FGD3: variants seen among roughly 807,000 people sequenced by gnomAD.
FGD3 encodes the protein FYVE, RhoGEF and PH domain-containing protein 3.
In FGD3, 45 loss-of-function variants were observed where a neutral mutation model predicts 71.8. That is an observed-to-expected ratio of 0.63 (90% CI 0.49 to 0.80). The LOEUF is 0.80. Ranked by LOEUF, FGD3 falls within the 30% of genes least tolerant of loss-of-function variation. The pLI, the probability that FGD3 is intolerant of heterozygous loss-of-function variation, is 0.00. For missense variants in FGD3, 844 were observed against 951.5 expected (o/e 0.89, Z 1.49); for synonymous variants, 378 against 392.8 (o/e 0.96, Z 0.44).
intron 15 of FGD3, among the ~76,000 whole-genome samples, chr9:93,031,018 A>C (rs1324537077): frequency 6.6e-6 from 1 of 151,842 alleles, no homozygotes; most frequent in Non-Finnish European, 1.5e-5. Flanking sequence ...GGGTGGATAG[A>C]TGAATGGTTG....
At chr9:93,023,795 C>CCTTTTTTTTTTTTTTTTTTTTTTT (rs1862017356) in intron 14 of FGD3, among the ~76,000 whole-genome samples, 1 of 107,672 alleles carries the variant, frequency 9.3e-6, no homozygotes, top group African/African-American at 3.9e-5. Flanking sequence ...CCATCAGCAA[C>CCTTTTTTTTTTTTTTTTTTTTTTT]TTTTTTTTTT....
At chr9:93,001,101 G>C (rs1448240040) in intron 3 of FGD3, among the ~76,000 whole-genome samples, 2 of 152,006 alleles carry the variant, frequency 1.3e-5, no homozygotes, top group Non-Finnish European at 2.9e-5. Flanking sequence ...TTCAATTAAA[G>C]TGTATTTCAG....
intron 17 of FGD3, 46 bp downstream of exon 17, chr9:93,034,727 C>T: frequency 6.3e-7 from 1 of 1,587,516 alleles, no homozygotes; most frequent in Admixed American, 1.8e-5. Flanking sequence ...CAGCCCAGAG[C>T]CTCAGGCCTG....
chr9:93,022,384 G>A lies in FGD3; in HGVS notation c.1552G>A (p.Ala518Thr). Residue 518 changes from alanine (A) to threonine (T), a missense_variant, in exon 14 of 18, where the codon GCA becomes ACA. By Grantham distance (58) the Ala-to-Thr change is moderately conservative. Coordinates refer to ENST00000375482, the MANE Select transcript of FGD3 (RefSeq NM_001083536.2). ...GACCACCGAAGGCAGTTCGGGTGCA[G>A]CAGGGGTAAGTGCCCCATGCTCAGC... The part of the protein sequence containing the change: ...VVTTEGSSGA[A>T]GLEPRKLSSK... 8 of 1,612,484 alleles carry A rather than the reference G, an allele frequency of 5.0e-6. No individual in the cohort carries two copies. The highest frequency in any genetic ancestry group is 6.8e-6 in the Non-Finnish European group (8 of 1,179,372).
chr9:92,949,552 C>T (rs1397741984), intron 1 of FGD3, among the ~76,000 whole-genome samples: 1 of 152,188 alleles, frequency 6.6e-6, no homozygotes, highest in African/African-American at 2.4e-5. Context: ...TCGTCATTCT[C>T]CAGGACATCC....
chr9:92,973,262 G>A (rs1333391973), intron 1 of FGD3, among the ~76,000 whole-genome samples: 1 of 151,754 alleles, frequency 6.6e-6, no homozygotes, highest in Non-Finnish European at 1.5e-5. Flanking sequence ...TTACAGGCAC[G>A]CACCACCATG....
chr9:93,010,365 A>C lies in FGD3; in HGVS notation c.957A>C (p.Pro319=), dbSNP rs201906930. ...DYLKRLPQDA[P]DRKDAERSLE... is the part of the protein sequence containing the mutation. ...TGAAGAGGCTCCCGCAGGACGCCCCAGACCGGAAGGATGCGGAGAGTGAGC... is the reference window on the plus strand; with the variant it reads ...TGAAGAGGCTCCCGCAGGACGCCCCCGACCGGAAGGATGCGGAGAGTGAGC... The change falls in exon 7 of 18, where the codon CCA becomes CCC. Residue 319 remains proline, a synonymous_variant. Coordinates refer to ENST00000375482, the MANE Select transcript of FGD3 (RefSeq NM_001083536.2). 1.3e-4 allele frequency: 215 copies of C among 1,611,642 alleles called. No homozygotes were observed. The African/African-American group carries it at 2.5e-3, about 19-fold the overall frequency.
In FGD3 at chr9:93,028,202, A is replaced by G. The variant is rs10992591; in HGVS notation, c.1558-1672A>G. 2.9e-3 allele frequency among the ~76,000 whole-genome samples: 235 copies of G among 82,438 alleles called. 1 individual carries two copies. Among genetic ancestry groups the G allele is most frequent in the African/African-American group, 0.012 (229 of 19,472 alleles). 54.1% of individuals were successfully genotyped at this position (82,438 alleles called of 152,430 possible). A position where few individuals can be genotyped will look rare whatever the true frequency, so the allele number is the denominator to read the frequency against. ...GCCCCTCAGCCCCTAGCCCCGACAC[A>G]CACACACACACACACGCACACACAC... On this transcript the variant is annotated intron_variant, in intron 14 of 17. Transcript: ENST00000375482.
At chr9:92,967,858 C>G (rs1859387729) in intron 1 of FGD3, among the ~76,000 whole-genome samples, 1 of 152,208 alleles carries the variant, frequency 6.6e-6, no homozygotes, top group East Asian at 1.9e-4. Context: ...CAGGCATGAG[C>G]CACTGCGCCC....
intron 3 of FGD3, among the ~76,000 whole-genome samples, chr9:92,998,088 C>T (rs575544561): frequency 2.6e-5 from 4 of 152,304 alleles, no homozygotes; most frequent in East Asian, 1.9e-4. Flanking sequence ...CCATTCTCCC[C>T]GTCACTTTCA....
chr9:92,978,476 T>A (rs957576967), intron 3 of FGD3, among the ~76,000 whole-genome samples: 42 of 129,724 alleles, frequency 3.2e-4, no homozygotes, highest in Middle Eastern at 4.2e-3. Flanking sequence ...AAGAGACTGA[T>A]TAACTTTCTT....
At chr9:93,026,349 C>A (rs1427643242) in intron 14 of FGD3, among the ~76,000 whole-genome samples, 1 of 152,160 alleles carries the variant, frequency 6.6e-6, no homozygotes, top group African/African-American at 2.4e-5. Context: ...TTTTTTGGGT[C>A]AACCTGCGTG....
intron 11 of FGD3, among the ~76,000 whole-genome samples, chr9:93,019,422 T>G (rs1340940467): frequency 6.6e-6 from 1 of 152,208 alleles, no homozygotes; most frequent in Non-Finnish European, 1.5e-5. Context: ...TATGTGTAAT[T>G]GTAGCCGTCA....
In FGD3 at chr9:92,976,214, C is replaced by A; in HGVS notation, c.-43C>A. ...GCTTGTTTCTCCCCTACAGGAAGCC[C>A]CTGGCCAGCCTCCACCTGAGCCCAG... is the stretch of plus-strand genomic sequence containing the variant. On this transcript the variant is annotated 5_prime_UTR_variant, in exon 3 of 18. Coordinates refer to ENST00000375482, the MANE Select transcript of FGD3 (RefSeq NM_001083536.2). The A allele has an allele frequency of 6.8e-7, 1 of 1,470,602 alleles. No individual in the cohort carries two copies. Among genetic ancestry groups the A allele is most frequent in the East Asian group, 2.5e-5 (1 of 40,810 alleles). 91.1% of individuals were successfully genotyped at this position (1,470,602 alleles called of 1,614,324 possible).
chr9:92,961,910 G>T (rs1240439655), intron 1 of FGD3, among the ~76,000 whole-genome samples: 2 of 152,208 alleles, frequency 1.3e-5, no homozygotes, highest in Non-Finnish European at 2.9e-5. Context: ...AAGCTGCAGT[G>T]TTATGTATGG....
intron 11 of FGD3, 93 bp from the exon 12 acceptor site, chr9:93,019,738 G>A (rs1015952009): frequency 2.0e-5 from 24 of 1,214,430 alleles, no homozygotes; most frequent in Non-Finnish European, 2.4e-5. Flanking sequence ...AAGCCAGTGC[G>A]TGGCTCGGGT....
intron 7 of FGD3, 137 bp from the exon 8 acceptor site, chr9:93,011,077 A>G (rs1861342497): frequency 1.2e-6 from 1 of 859,138 alleles, no homozygotes; most frequent in Admixed American, 1.8e-5. Flanking sequence ...CCAGTCCTCT[A>G]GAGTAGCCCA....
intron 3 of FGD3, among the ~76,000 whole-genome samples, chr9:92,996,252 T>A (rs1398419150): frequency 1.3e-5 from 2 of 152,244 alleles, no homozygotes; most frequent in Non-Finnish European, 2.9e-5. Context: ...CTAGATTTTC[T>A]AGTTTATTTG....
intron 9 of FGD3, 32 bp from the exon 10 acceptor site, chr9:93,015,705 C>G (rs778110605): frequency 6.2e-7 from 1 of 1,600,354 alleles, no homozygotes; most frequent in Non-Finnish European, 8.6e-7. Flanking sequence ...GCGGGCAGCT[C>G]TCGTTCCTCA....
Sources: allele counts gnomAD v4.1 joint callset (sites outside exome capture counted in the v4.1 genomes callset), GRCh38; gene constraint gnomAD v4.1.1; transcripts MANE v1.5; gene names NCBI Gene and HGNC (gene_info 2026-07-23, HGNC 2026-07-21).